Variants in PDE1C observed in about 807,000 individuals in gnomAD.
PDE1C encodes phosphodiesterase 1C.
A neutral mutation model predicts 93.1 loss-of-function variants in PDE1C; 62 were observed. That is an observed-to-expected ratio of 0.67 (90% CI 0.54 to 0.82). The LOEUF (loss-of-function observed/expected upper bound fraction) is 0.82. PDE1C is among the 40% of genes least tolerant of loss of function. The pLI is 0.00. For synonymous variants in PDE1C, 325 were observed against 310.1 expected (o/e 1.05, Z -0.50); for missense variants, 742 against 884.6 (o/e 0.84, Z 2.04).
intron 2 of PDE1C, among the ~76,000 whole-genome samples, chr7:32,020,366 A>G (rs1240482870): frequency 6.6e-6 from 1 of 152,048 alleles, no homozygotes; most frequent in Non-Finnish European, 1.5e-5. Flanking sequence ...ACATATAGAA[A>G]TTCTTCATAT....
chr7:32,055,785 A>G (rs1793997960), intron 1 of PDE1C, among the ~76,000 whole-genome samples: 1 of 152,200 alleles, frequency 6.6e-6, no homozygotes. Flanking sequence ...CAGTGGCGCA[A>G]TCTCGGCTCA....
At chr7:32,279,088 A>G (rs757102377) in intron 1 of PDE1C, among the ~76,000 whole-genome samples, 15 of 152,196 alleles carry the variant, frequency 9.9e-5, no homozygotes, top group Non-Finnish European at 1.9e-4. Context: ...ACTCAAATAT[A>G]AAAACTGATC....
At chr7:31,795,841 T>C (rs1268656705) in intron 16 of PDE1C, among the ~76,000 whole-genome samples, 2 of 151,596 alleles carry the variant, frequency 1.3e-5, no homozygotes, top group African/African-American at 4.8e-5. Context: ...ATAAAACCAA[T>C]TATGTTGGGT....
chr7:32,010,585 G>C (rs971108778), intron 2 of PDE1C, among the ~76,000 whole-genome samples: 1 of 152,198 alleles, frequency 6.6e-6, no homozygotes, highest in Non-Finnish European at 1.5e-5. Context: ...CACTACATTA[G>C]TGTGCAATGT....
chr7:32,421,123 A>G (rs922637762), intron 1 of PDE1C, among the ~76,000 whole-genome samples: 3 of 152,110 alleles, frequency 2.0e-5, no homozygotes, highest in Non-Finnish European at 4.4e-5. Flanking sequence ...CACTAGGTTG[A>G]ATAATTTGAG....
chr7:31,990,568 G>A (rs1339651727), intron 2 of PDE1C, among the ~76,000 whole-genome samples: 2 of 151,806 alleles, frequency 1.3e-5, no homozygotes, highest in African/African-American at 2.4e-5. Flanking sequence ...TCTAAGCTGG[G>A]GTTCGATTTA....
At chr7:31,865,208 C>T (rs1426380893) in intron 6 of PDE1C, 126 bp from the exon 7 acceptor site, 6 of 812,510 alleles carry the variant, frequency 7.4e-6, no homozygotes, top group African/African-American at 1.7e-5. Context: ...GGAACTTACA[C>T]AGTTAATAAA....
At chr7:31,999,476 G>A (rs1212487155) in intron 2 of PDE1C, among the ~76,000 whole-genome samples, 1 of 152,116 alleles carries the variant, frequency 6.6e-6, no homozygotes, top group African/African-American at 2.4e-5. Flanking sequence ...GCTCAGTAGA[G>A]CCCAACAGAG....
intron 2 of PDE1C, among the ~76,000 whole-genome samples, chr7:32,024,751 C>A (rs1789175749): frequency 6.6e-6 from 1 of 152,070 alleles, no homozygotes; most frequent in African/African-American, 2.4e-5. Flanking sequence ...TACAGTTTGG[C>A]CACAGGGCTG....
intron 3 of PDE1C, among the ~76,000 whole-genome samples, chr7:32,110,269 A>G (rs569938228): frequency 1.3e-5 from 2 of 152,256 alleles, no homozygotes; most frequent in South Asian, 4.1e-4. Flanking sequence ...GAAGGATTGT[A>G]CCCATCCTCT....
chr7:32,380,196 A>G (rs1206908413), intron 1 of PDE1C, among the ~76,000 whole-genome samples: 2 of 151,692 alleles, frequency 1.3e-5, no homozygotes, highest in Non-Finnish European at 2.9e-5. Flanking sequence ...AATGTCTACA[A>G]TTATTGTCCT....
At chr7:32,090,592 C>T (rs1037029782) in intron 3 of PDE1C, among the ~76,000 whole-genome samples, 1 of 152,092 alleles carries the variant, frequency 6.6e-6, no homozygotes, top group African/African-American at 2.4e-5. Flanking sequence ...AGATAGCAGA[C>T]CAATAATGGA....
chr7:31,638,656 A>G, the PDE1C span, among the ~76,000 whole-genome samples: 28 of 152,340 alleles, frequency 1.8e-4, no homozygotes, highest in Non-Finnish European at 3.1e-4. Flanking sequence ...ATTATTTCCA[A>G]TGAGAAATCT....
chr7:32,199,377 C>T (rs969889378), intron 2 of PDE1C, among the ~76,000 whole-genome samples: 2 of 152,066 alleles, frequency 1.3e-5, no homozygotes, highest in Admixed American at 6.6e-5. Context: ...ACTATTTTGT[C>T]CATATTCTCT....
At chr7:32,185,805 T>G (rs1222273808) in intron 2 of PDE1C, among the ~76,000 whole-genome samples, 1 of 152,170 alleles carries the variant, frequency 6.6e-6, no homozygotes, top group African/African-American at 2.4e-5. Context: ...AAAATCCACT[T>G]CTTTAGTCTC....
intron 9 of PDE1C, among the ~76,000 whole-genome samples, chr7:31,842,515 G>A (rs1325290444): frequency 1.3e-5 from 2 of 151,980 alleles, no homozygotes; most frequent in Non-Finnish European, 2.9e-5. Flanking sequence ...GTGAATTTTG[G>A]TAAGTTGTAT....
the PDE1C span, among the ~76,000 whole-genome samples, chr7:31,648,341 A>G: frequency 1.3e-5 from 2 of 152,206 alleles, no homozygotes; most frequent in Non-Finnish European, 2.9e-5. Context: ...AAAGAAGAAG[A>G]AGAAAAAGAA....
chr7:31,738,161 G>A, the PDE1C span, among the ~76,000 whole-genome samples: 3 of 152,296 alleles, frequency 2.0e-5, no homozygotes, highest in South Asian at 2.1e-4. Context: ...AGGAAGAGTC[G>A]AGGGTGAGGT....
chr7:31,837,711 A>G (rs1022787081), intron 10 of PDE1C, among the ~76,000 whole-genome samples, 159 bp downstream of exon 10: 10 of 152,220 alleles, frequency 6.6e-5, no homozygotes, highest in Non-Finnish European at 7.3e-5. Flanking sequence ...TTATTGTGGT[A>G]GGTACAACTT....
Sources: allele counts gnomAD v4.1 joint callset (sites outside exome capture counted in the v4.1 genomes callset), GRCh38; gene constraint gnomAD v4.1.1; transcripts MANE v1.5; gene names NCBI Gene and HGNC (gene_info 2026-07-23, HGNC 2026-07-21).